The following LRMDA variants were observed in gnomAD, a reference collection of about 807,000 sequenced individuals.
LRMDA encodes the protein leucine-rich melanocyte differentiation-associated protein.
LRMDA carries 18 observed loss-of-function variants against 29.8 expected under a neutral mutation model. The observed-to-expected ratio is 0.60, with a 90% CI of 0.42 to 0.90. LRMDA has a LOEUF of 0.90. LRMDA is among the 40% of genes least tolerant of loss of function. The pLI is 0.00. For missense variants in LRMDA, 273 were observed against 273.9 expected (o/e 1.00, Z 0.02); for synonymous variants, 125 against 109.4 (o/e 1.14, Z -0.89).
chr10:76,505,377 A>G (rs190988836), intron 6 of LRMDA, among the ~76,000 whole-genome samples: 1 of 152,178 alleles, frequency 6.6e-6, no homozygotes, highest in East Asian at 1.9e-4. Context: ...AGAAATGTTC[A>G]TGGATTAATA....
At chr10:75,613,203 C>T (rs1394076016) in intron 2 of LRMDA, among the ~76,000 whole-genome samples, 2 of 151,896 alleles carry the variant, frequency 1.3e-5, no homozygotes, top group African/African-American at 4.8e-5. Context: ...CTTCCACAAT[C>T]CCCCCCACTT....
At chr10:76,093,974 T>A (rs938897983) in intron 5 of LRMDA, among the ~76,000 whole-genome samples, 1 of 152,196 alleles carries the variant, frequency 6.6e-6, no homozygotes. Context: ...TCCGCCAAAA[T>A]GCTCAGAGGT....
intron 2 of LRMDA, among the ~76,000 whole-genome samples, chr10:75,948,837 T>G (rs1290634871): frequency 6.6e-6 from 1 of 152,050 alleles, no homozygotes; most frequent in East Asian, 1.9e-4. Flanking sequence ...GTTGGTGATA[T>G]AGCCTTGCTG....
At chr10:75,517,314 G>A (rs936372509) in intron 2 of LRMDA, among the ~76,000 whole-genome samples, 1 of 152,140 alleles carries the variant, frequency 6.6e-6, no homozygotes, top group Non-Finnish European at 1.5e-5. Context: ...TCATGATATT[G>A]ATTCTTCCTA....
chr10:75,559,580 TG>T (rs1840263703), intron 2 of LRMDA, among the ~76,000 whole-genome samples: 1 of 148,608 alleles, frequency 6.7e-6, no homozygotes, highest in Admixed American at 6.8e-5. Flanking sequence ...CCATTGCTTT[TG>T]GTGTTTTAGA....
In LRMDA at chr10:75,719,931, C is replaced by T. The variant is rs117221422; in HGVS notation, c.131+281437C>T. 7.9e-4 allele frequency among the ~76,000 whole-genome samples: 121 copies of T among 152,258 alleles called. 1 individual carries two copies. In the South Asian group the frequency reaches 8.1e-3, roughly 10 times the overall value. ...GGATGTTTTAATGTTGGATGGTTCA[C>T]GTGGAGCCCTCATAATTCAGAGATT... On this transcript the variant is annotated intron_variant, in intron 2 of 6. Coordinates refer to ENST00000611255, the MANE Select transcript of LRMDA (RefSeq NM_001305581.2).
At chr10:76,272,581 CCAAA>C (rs1242642198) in intron 5 of LRMDA, among the ~76,000 whole-genome samples, 1 of 152,190 alleles carries the variant, frequency 6.6e-6, no homozygotes, top group Admixed American at 6.5e-5. Flanking sequence ...TCAGCATTTT[CCAAA>C]CAGACTCAGT....
chr10:76,038,565 A>G (rs901095924), intron 3 of LRMDA, among the ~76,000 whole-genome samples: 3 of 152,188 alleles, frequency 2.0e-5, no homozygotes, highest in African/African-American at 7.2e-5. Context: ...GATTGTGAAG[A>G]TCATCTTCCC....
At chr10:76,276,229 C>A (rs985109107) in intron 5 of LRMDA, among the ~76,000 whole-genome samples, 10 of 151,998 alleles carry the variant, frequency 6.6e-5, no homozygotes, top group African/African-American at 4.8e-5. Context: ...TAGCCTTGAA[C>A]TCTTGGGCTT....
intron 2 of LRMDA, among the ~76,000 whole-genome samples, chr10:75,495,330 A>G (rs773699368): frequency 1.3e-5 from 2 of 148,886 alleles, no homozygotes; most frequent in African/African-American, 2.5e-5. Context: ...CAGGCCTTTT[A>G]TGGTTTTTTT....
chr10:76,247,066 G>A (rs993145981), intron 5 of LRMDA, among the ~76,000 whole-genome samples: 4 of 152,112 alleles, frequency 2.6e-5, no homozygotes, highest in African/African-American at 9.7e-5. Flanking sequence ...TTCCAGTGAC[G>A]ATCTTGTCTT....
At chr10:76,429,584 A>G (rs1003155573) in intron 6 of LRMDA, among the ~76,000 whole-genome samples, 30 of 152,052 alleles carry the variant, frequency 2.0e-4, no homozygotes, top group Admixed American at 1.8e-3. Flanking sequence ...TAAAAAAAAA[A>G]TTGCTGTTAA....
chr10:76,217,755 T>C (rs1374601658), intron 5 of LRMDA, among the ~76,000 whole-genome samples: 1 of 152,234 alleles, frequency 6.6e-6, no homozygotes, highest in Non-Finnish European at 1.5e-5. Context: ...TGTGTGAGAT[T>C]CATATCCTCA....
intron 5 of LRMDA, among the ~76,000 whole-genome samples, chr10:76,238,013 AC>A (rs1852188776): frequency 6.6e-6 from 1 of 151,354 alleles, no homozygotes; most frequent in East Asian, 1.9e-4. Context: ...CTGGTCTTGA[AC>A]TCCTGACCTC....
intron 2 of LRMDA, among the ~76,000 whole-genome samples, chr10:75,615,478 G>A (rs1227372252): frequency 6.6e-6 from 1 of 152,026 alleles, no homozygotes; most frequent in Non-Finnish European, 1.5e-5. Context: ...GGATTTTAGG[G>A]TATTTCAGAT....
rs1850784878 is a variant in LRMDA, at chr10:76,168,781, A to G, written c.516+109998A>G. Among the ~76,000 whole-genome samples, 4 of 152,230 alleles carry G rather than the reference A, an allele frequency of 2.6e-5. No homozygotes were observed. In the South Asian group the frequency reaches 8.3e-4, roughly 32 times the overall value. On this transcript the variant is annotated intron_variant, in intron 5 of 6. Transcript: ENST00000611255. Reference sequence around the variant, plus strand: ...GGTAAAAGTTGTCAGATCTATTTCCATATATCTCTTCCACACATTCTTTTG... The same window carrying G: ...GGTAAAAGTTGTCAGATCTATTTCCGTATATCTCTTCCACACATTCTTTTG...
intron 5 of LRMDA, among the ~76,000 whole-genome samples, chr10:76,312,723 T>A (rs1202026257): frequency 1.3e-5 from 2 of 151,902 alleles, no homozygotes; most frequent in Admixed American, 1.3e-4. Context: ...ATTCGGATTA[T>A]AATGAAGCTA....
intron 5 of LRMDA, among the ~76,000 whole-genome samples, chr10:76,105,902 A>G (rs1409773216): frequency 1.3e-5 from 2 of 152,096 alleles, no homozygotes; most frequent in South Asian, 2.1e-4. Context: ...GCATGCCACC[A>G]TGCCCGGCTA....
chr10:75,988,115 G>C (rs1847293687), intron 2 of LRMDA, among the ~76,000 whole-genome samples: 1 of 152,200 alleles, frequency 6.6e-6, no homozygotes, highest in South Asian at 2.1e-4. Flanking sequence ...TTAGGATGTT[G>C]TGTTTGCCAC....
Sources: allele counts gnomAD v4.1 joint callset (sites outside exome capture counted in the v4.1 genomes callset), GRCh38; gene constraint gnomAD v4.1.1; transcripts MANE v1.5; gene names NCBI Gene and HGNC (gene_info 2026-07-23, HGNC 2026-07-21).